NRXN3: variants seen among roughly 807,000 people sequenced by gnomAD.
NRXN3 encodes the protein neurexin III.
In NRXN3, 32 loss-of-function variants were observed where a neutral mutation model predicts 137.6. That is an observed-to-expected ratio of 0.23 (90% CI 0.18 to 0.31). The LOEUF is 0.31. Ranked by LOEUF, NRXN3 falls within the 10% of genes least tolerant of loss-of-function variation. NRXN3 has a pLI of 1.00. For synonymous variants in NRXN3, 798 were observed against 784.5 expected, an observed-to-expected ratio of 1.02 and a Z score of -0.29; for missense variants, 1,574 against 2,062.5, an observed-to-expected ratio of 0.76 and a Z score of 4.59.
At chr14:79,295,007 A>G (rs2083814794) in intron 15 of NRXN3, among the ~76,000 whole-genome samples, 1 of 151,930 alleles carries the variant, frequency 6.6e-6, no homozygotes, top group South Asian at 2.1e-4. Context: ...GGAGCCATCC[A>G]TCTGAAACAC....
rs910478634 is a variant in NRXN3, at chr14:79,317,011, A to G, written c.3263-150210A>G. On this transcript the variant is annotated intron_variant, in intron 15 of 20. Coordinates refer to ENST00000335750, the MANE Select transcript of NRXN3 (RefSeq NM_001330195.2). ...TTTGGGAGGCTGAGGCAGGCAGATCACTTGAGGTCAGGAGTTCGAGACCAG... is the reference window on the plus strand; with the variant it reads ...TTTGGGAGGCTGAGGCAGGCAGATCGCTTGAGGTCAGGAGTTCGAGACCAG... Among the ~76,000 whole-genome samples, 3 of 151,968 alleles carry G rather than the reference A, an allele frequency of 2.0e-5. No homozygotes were observed. The South Asian group carries it at 6.2e-4, about 32-fold the overall frequency.
chr14:78,927,150 C>CTCTTGAGAAAAAA (rs546385554), intron 10 of NRXN3, among the ~76,000 whole-genome samples: 1 of 111,722 alleles, frequency 9.0e-6, no homozygotes, highest in African/African-American at 3.4e-5. Flanking sequence ...GTGAGACCCT[C>CTCTTGAGAAAAAA]AAAAAAAAAA....
At chr14:79,592,832 A>G (rs2097819970) in intron 16 of NRXN3, among the ~76,000 whole-genome samples, 1 of 152,232 alleles carries the variant, frequency 6.6e-6, no homozygotes, top group African/African-American at 2.4e-5. Flanking sequence ...CTAAGTGGAA[A>G]AAGTGAGATG....
At chr14:78,969,160 C>A (rs529009281) in intron 14 of NRXN3, among the ~76,000 whole-genome samples, 5 of 152,254 alleles carry the variant, frequency 3.3e-5, no homozygotes, top group African/African-American at 1.2e-4. Context: ...TGTCAAACAT[C>A]TAATAATACT....
intron 4 of NRXN3, among the ~76,000 whole-genome samples, chr14:78,465,662 C>T (rs1295541167): frequency 1.3e-5 from 2 of 151,720 alleles, no homozygotes; most frequent in African/African-American, 2.4e-5. Context: ...CTCACTCTCC[C>T]GAGTAGCTGG....
chr14:79,568,872 A>G (rs1311283676), intron 16 of NRXN3, among the ~76,000 whole-genome samples: 7 of 152,192 alleles, frequency 4.6e-5, no homozygotes, highest in Non-Finnish European at 2.9e-5. Context: ...ACAGAAGAAC[A>G]TTGGCTAATA....
chr14:78,740,345 C>T (rs2098559114), intron 8 of NRXN3, among the ~76,000 whole-genome samples: 1 of 150,432 alleles, frequency 6.6e-6, no homozygotes, highest in Admixed American at 6.7e-5. Flanking sequence ...ATTCTTTTCT[C>T]GTAACAGTTA....
chr14:78,943,795 G>A (rs372705416), intron 10 of NRXN3, among the ~76,000 whole-genome samples: 1 of 150,826 alleles, frequency 6.6e-6, no homozygotes, highest in African/African-American at 2.4e-5. Context: ...AAGCTTATAA[G>A]GAAGGGATTT....
intron 19 of NRXN3, among the ~76,000 whole-genome samples, chr14:79,798,250 AG>A (rs984036053): frequency 6.6e-6 from 1 of 152,228 alleles, no homozygotes; most frequent in African/African-American, 2.4e-5. Flanking sequence ...TAAAGGTTAT[AG>A]GTTTACTTAG....
chr14:78,355,035 C>A (rs761054739), intron 4 of NRXN3, among the ~76,000 whole-genome samples: 1 of 152,160 alleles, frequency 6.6e-6, no homozygotes, highest in African/African-American at 2.4e-5. Flanking sequence ...GCAGCCCCTA[C>A]GTATGTGTGA....
intron 4 of NRXN3, among the ~76,000 whole-genome samples, chr14:78,471,246 G>C (rs2095260346): frequency 6.6e-6 from 1 of 151,704 alleles, no homozygotes; most frequent in Non-Finnish European, 1.5e-5. Context: ...ATTCGTGAGT[G>C]TCTTCATTCT....
At chr14:78,814,311 A>G (rs1478226475) in intron 10 of NRXN3, among the ~76,000 whole-genome samples, 1 of 152,198 alleles carries the variant, frequency 6.6e-6, no homozygotes, top group Admixed American at 6.5e-5. Flanking sequence ...GTGACCTGGA[A>G]CACTACTAAA....
chr14:79,123,989 C>T (rs2055951250), intron 15 of NRXN3, among the ~76,000 whole-genome samples: 1 of 152,120 alleles, frequency 6.6e-6, no homozygotes, highest in Non-Finnish European at 1.5e-5. Flanking sequence ...CTGTATCCCT[C>T]CCCACTCCAT....
At chr14:79,334,229 G>A (rs758046731) in intron 15 of NRXN3, among the ~76,000 whole-genome samples, 6 of 152,104 alleles carry the variant, frequency 3.9e-5, no homozygotes, top group Non-Finnish European at 8.8e-5. Context: ...CTTCAATGGT[G>A]CTATGAAAAA....
intron 4 of NRXN3, among the ~76,000 whole-genome samples, chr14:78,459,363 G>A (rs2094849996): frequency 6.6e-6 from 1 of 152,150 alleles, no homozygotes; most frequent in African/African-American, 2.4e-5. Context: ...GAGCAAATGA[G>A]GTCATGTTCA....
chr14:79,225,396 A>G lies in NRXN3; in HGVS notation c.3262+237255A>G, dbSNP rs573794216. Among the ~76,000 whole-genome samples, 36 of 152,264 alleles carry G rather than the reference A, an allele frequency of 2.4e-4. No individual in the cohort carries two copies. In the East Asian group the frequency reaches 6.6e-3, roughly 28 times the overall value. ...GATAGCCTCATGTGCACTTAGCTCA[A>G]TGTTACTCTGAGTTTCTTTCTACTC... On this transcript the variant is annotated intron_variant, in intron 15 of 20. Coordinates refer to ENST00000335750, the MANE Select transcript of NRXN3 (RefSeq NM_001330195.2).
intron 15 of NRXN3, among the ~76,000 whole-genome samples, chr14:79,322,774 C>T (rs970685305): frequency 1.4e-4 from 21 of 152,180 alleles, no homozygotes; most frequent in African/African-American, 5.1e-4. Flanking sequence ...TGGGGAACAT[C>T]AGCTAATGAG....
At chr14:79,030,635 C>CTTTTTTTTTTTTTT in intron 15 of NRXN3, among the ~76,000 whole-genome samples, 57 of 54,252 alleles carry the variant, frequency 1.1e-3, no homozygotes, top group Non-Finnish European at 1.3e-3. Context: ...TTCTCTGTGT[C>CTTTTTTTTTTTTTT]TTTTTTTTTT....
intron 20 of NRXN3, among the ~76,000 whole-genome samples, chr14:79,836,486 T>C (rs181091286): frequency 1.8e-4 from 27 of 152,096 alleles, no homozygotes; most frequent in African/African-American, 4.8e-4. Flanking sequence ...AGAACTAGCC[T>C]GCAGGACACA....
Sources: allele counts gnomAD v4.1 joint callset (sites outside exome capture counted in the v4.1 genomes callset), GRCh38; gene constraint gnomAD v4.1.1; transcripts MANE v1.5; gene names NCBI Gene and HGNC (gene_info 2026-07-23, HGNC 2026-07-21).